The following ANKRD55 variants were observed in gnomAD, a reference collection of about 807,000 sequenced individuals.
ANKRD55 encodes ankyrin repeat domain-containing protein 55.
In ANKRD55, 41 loss-of-function variants were observed where a neutral mutation model predicts 60.6. The observed-to-expected ratio is 0.68, with a 90% CI of 0.53 to 0.88. The LOEUF is 0.88. Among genes scored for constraint, ANKRD55 ranks in the 40% least tolerant of loss-of-function variants. ANKRD55 has a pLI of 0.00. For missense variants in ANKRD55, 732 were observed against 767.6 expected, an observed-to-expected ratio of 0.95 and a Z score of 0.55; for synonymous variants, 264 against 290.3, an observed-to-expected ratio of 0.91 and a Z score of 0.92.
intron 9 of ANKRD55, among the ~76,000 whole-genome samples, chr5:56,112,511 A>AAAACAAAAAAAAAAAAAC (rs1554036585): frequency 1.2e-5 from 1 of 81,528 alleles, no homozygotes; most frequent in African/African-American, 5.4e-5. Flanking sequence ...TAGCAAAAAA[A>AAAACAAAAAAAAAAAAAC]AAAAAAAAAA....
At position 56,166,086 on chromosome 5, in the gene ANKRD55, T is replaced by TTTTCTTTCTTTC. The variant is rs754266953; in HGVS notation, c.422+4596_422+4607dup. ...CACCCTTCAGGGATCTTTCTTTTCT[T>TTTTCTTTCTTTC]TTTCTTTCTTTCTTTCTTTCTTTCT... On this transcript the variant is annotated intron_variant, in intron 5 of 11. Coordinates refer to ENST00000341048, the MANE Select transcript of ANKRD55 (RefSeq NM_024669.3). Among the ~76,000 whole-genome samples the TTTTCTTTCTTTC allele has an allele frequency of 8.4e-3, 768 of 91,704 alleles. 24 individuals carry two copies. Among genetic ancestry groups the TTTTCTTTCTTTC allele is most frequent in the East Asian group, 0.017 (51 of 2,916 alleles). The allele number at this position is 91,704 out of a possible 152,430, so 60.2% of individuals were successfully genotyped here.
At chr5:56,128,384 A>C (rs914954270) in intron 7 of ANKRD55, among the ~76,000 whole-genome samples, 3 of 152,152 alleles carry the variant, frequency 2.0e-5, no homozygotes, top group Admixed American at 1.3e-4. Flanking sequence ...TCATTCTGGA[A>C]GTGGTAAACT....
chr5:56,204,514 G>C (rs1237063232), intron 2 of ANKRD55, among the ~76,000 whole-genome samples: 1 of 152,110 alleles, frequency 6.6e-6, no homozygotes, highest in East Asian at 1.9e-4. Flanking sequence ...AAGGTGTAAG[G>C]AAGGTTTTAT....
At chr5:56,173,705 C>T (rs373740308) in intron 4 of ANKRD55, among the ~76,000 whole-genome samples, 102 of 150,704 alleles carry the variant, frequency 6.8e-4, no homozygotes, top group Admixed American at 1.7e-3. Context: ...CCACCACGCC[C>T]GACTAATTTT....
Position 56,111,481 on chromosome 5 carries a change from G to A in ANKRD55, c.1267C>T (p.Pro423Ser). 2 of 1,614,134 alleles carry A rather than the reference G, an allele frequency of 1.2e-6. No individual in the cohort carries two copies. The highest frequency in any genetic ancestry group is 1.7e-6 in the Non-Finnish European group (2 of 1,180,034). The change falls in exon 10 of 12, where the codon CCG becomes TCG. Residue 423 changes from proline to serine, a missense_variant. Pro to Ser is a moderately conservative substitution (Grantham distance 74, BLOSUM62 -1). Around this residue, in one of 3 missense-constraint regions of ANKRD55, gnomAD observed 597 missense variants for 607.5 expected, o/e 0.98. Coordinates refer to ENST00000341048, the MANE Select transcript of ANKRD55 (RefSeq NM_024669.3). The part of the protein sequence containing the change: ...NSKYLLPEKK[P>S]LARKGLPPIR... Reference sequence around the variant, plus strand: ...GGTGGAAGCCCCTTACGGGCCAGCGGTTTCTTTTCTGGTAAGAGATATTTT... The same window carrying A: ...GGTGGAAGCCCCTTACGGGCCAGCGATTTCTTTTCTGGTAAGAGATATTTT...
intron 6 of ANKRD55, among the ~76,000 whole-genome samples, chr5:56,153,160 G>T (rs1001225789): frequency 1.3e-5 from 2 of 151,808 alleles, no homozygotes; most frequent in South Asian, 4.2e-4. Flanking sequence ...ATATAATAAA[G>T]ACCATTATGT....
rs544137505 is a variant in ANKRD55 at position 56,169,008 on chromosome 5, C to A, written c.422+1686G>T. Among the ~76,000 whole-genome samples, 140 of 152,348 alleles carry A rather than the reference C, an allele frequency of 9.2e-4. 2 individuals carry two copies. The South Asian group carries it at 0.027, about 30-fold the overall frequency. ...AGTAGCTGGGCTTACAGGCACTCAC[C>A]ACCACATCTGGCTAATTTTTGTATT... is the stretch of plus-strand genomic sequence containing the variant. On this transcript the variant is annotated intron_variant, in intron 5 of 11. Transcript: ENST00000341048.
At chr5:56,228,920 AAGAGGGTGGACCACAGCC>A (rs1760181211) in intron 2 of ANKRD55, among the ~76,000 whole-genome samples, 1 of 152,142 alleles carries the variant, frequency 6.6e-6, no homozygotes, top group Admixed American at 6.5e-5. Flanking sequence ...CGACCTGTGC[AAGAGGGTGGACCACAGCC>A]CACACAGGTG....
chr5:56,205,953 A>ATTTTTTTTTCTTTCTTTCTTGTTTT (rs1759495153), intron 2 of ANKRD55, among the ~76,000 whole-genome samples: 2 of 138,524 alleles, frequency 1.4e-5, no homozygotes, highest in African/African-American at 2.7e-5. Context: ...TCACTGATGC[A>ATTTTTTTTTCTTTCTTTCTTGTTTT]TTTTTTTTTC....
chr5:56,124,831 G>C (rs754609678), intron 8 of ANKRD55, among the ~76,000 whole-genome samples: 1 of 152,112 alleles, frequency 6.6e-6, no homozygotes, highest in Non-Finnish European at 1.5e-5. Context: ...ATTAACAGAA[G>C]CTTATAGCTT....
In ANKRD55 at chr5:56,111,503, T is replaced by A; in HGVS notation, c.1245A>T (p.Lys415Asn). The stretch of plus-strand genomic sequence containing the variant: ...GCGGTTTCTTTTCTGGTAAGAGATA[T>A]TTTGAATTGTCTGAGGTTTTCTTCT... ...EFKKKTSDNS[K>N]YLLPEKKPLA... Residue 415 changes from lysine (K) to asparagine (N), a missense_variant, in exon 10 of 12, where the codon AAA (lysine) becomes AAT (asparagine). This residue lies in a region of ANKRD55 where 597 missense variants were observed against 607.5 expected (regional missense o/e 0.98). Coordinates refer to ENST00000341048, the MANE Select transcript of ANKRD55 (RefSeq NM_024669.3). 2 of 1,614,152 alleles carry A rather than the reference T, an allele frequency of 1.2e-6. No homozygotes were observed. The highest frequency in any genetic ancestry group is 1.3e-5 in the African/African-American group (1 of 75,012).
chr5:56,135,321 TTC>T (rs1469590086), intron 7 of ANKRD55, among the ~76,000 whole-genome samples: 1 of 15,126 alleles, frequency 6.6e-5, no homozygotes, highest in African/African-American at 5.1e-4. Context: ...CTTTCTTTCT[TTC>T]TTTCTTTCTT....
intron 2 of ANKRD55, among the ~76,000 whole-genome samples, chr5:56,197,527 G>A (rs1447576194): frequency 1.3e-5 from 2 of 152,072 alleles, no homozygotes; most frequent in Non-Finnish European, 2.9e-5. Context: ...ATTTCATAGA[G>A]CACATAAAAC....
intron 2 of ANKRD55, among the ~76,000 whole-genome samples, chr5:56,215,127 A>G (rs888394285): frequency 7.2e-5 from 11 of 152,028 alleles, no homozygotes; most frequent in African/African-American, 2.7e-4. Context: ...GACCTTGTTT[A>G]CAGGGTTAGA....
At chr5:56,203,670 A>C (rs1006169165) in intron 2 of ANKRD55, among the ~76,000 whole-genome samples, 5 of 152,028 alleles carry the variant, frequency 3.3e-5, no homozygotes, top group African/African-American at 7.2e-5. Context: ...TGAACTCATC[A>C]TTTTTTATGG....
intron 3 of ANKRD55, among the ~76,000 whole-genome samples, chr5:56,179,684 A>G (rs555686049): frequency 5.3e-5 from 8 of 152,212 alleles, no homozygotes. Context: ...AGGAGCAGAA[A>G]CAGCACTAAC....
intron 10 of ANKRD55, among the ~76,000 whole-genome samples, chr5:56,104,088 G>A (rs951006618): frequency 1.3e-5 from 2 of 152,042 alleles, no homozygotes; most frequent in African/African-American, 2.4e-5. Context: ...TTATATTAGC[G>A]AACAACTATT....
intron 9 of ANKRD55, among the ~76,000 whole-genome samples, chr5:56,115,889 C>T (rs1756870181): frequency 6.6e-6 from 1 of 151,998 alleles, no homozygotes; most frequent in Non-Finnish European, 1.5e-5. Flanking sequence ...GAGTCTCACT[C>T]TGTCACCCAG....
At chr5:56,135,638 G>C (rs1757578343) in intron 7 of ANKRD55, among the ~76,000 whole-genome samples, 1 of 152,010 alleles carries the variant, frequency 6.6e-6, no homozygotes, top group Non-Finnish European at 1.5e-5. Context: ...CAAAGTGCTA[G>C]GATTACAGGC....
Sources: allele counts gnomAD v4.1 joint callset (sites outside exome capture counted in the v4.1 genomes callset), GRCh38; gene constraint gnomAD v4.1.1; regional missense constraint gnomAD v4.1.1; transcripts MANE v1.5; gene names NCBI Gene and HGNC (gene_info 2026-07-23, HGNC 2026-07-21).